The following PLCH2 variants were observed in gnomAD, a reference collection of about 807,000 sequenced individuals.
PLCH2 encodes the protein 1-phosphatidylinositol 4,5-bisphosphate phosphodiesterase eta-2.
In PLCH2, 98 loss-of-function variants were observed where a neutral mutation model predicts 134.7. That is an observed-to-expected ratio of 0.73 (90% CI 0.62 to 0.86). PLCH2 has a LOEUF of 0.86. PLCH2 is among the 40% of genes least tolerant of loss of function. The pLI is 0.00. For missense variants in PLCH2, 1,994 were observed against 1,986.6 expected (o/e 1.00, Z -0.07); for synonymous variants, 974 against 827.5 (o/e 1.18, Z -3.04).
rs755785600 is a variant in PLCH2, at chr1:2,448,962, C to T, written c.115+18333C>T. On this transcript the variant is annotated intron_variant, in intron 2 of 3. Transcript: ENST00000609981. The surrounding 1 kb of genome is among the most constrained non-coding windows in gnomAD (Gnocchi z 4.0). ...CTGTTGTACGTGGCTCCTTTGCTGG[C>T]GCGGGGAAAGGGCCGTGGGCTTGGG... Among the ~76,000 whole-genome samples the T allele has an allele frequency of 3.9e-5, 6 of 152,308 alleles. No homozygotes were observed. Among genetic ancestry groups the T allele is most frequent in the East Asian group, 1.9e-4 (1 of 5,168 alleles).
chr1:2,448,231 T>G lies in PLCH2; in HGVS notation c.115+17602T>G, dbSNP rs79017481. ...GCTGCTGGGACCGGCTGCCGTGCAC[T>G]GGCCACTAAAAACGCCGCACGCTTA... On this transcript the variant is annotated intron_variant, in intron 2 of 3. Transcript: ENST00000609981. The surrounding 1 kb of genome is among the most constrained non-coding windows in gnomAD (Gnocchi z 4.0). 7.6e-3 allele frequency among the ~76,000 whole-genome samples: 1,155 copies of G among 152,288 alleles called. 15 individuals carry two copies. The highest frequency in any genetic ancestry group is 0.041 in the East Asian group (215 of 5,182).
At chr1:2,469,065 A>G (rs1194168463) in intron 1 of PLCH2, among the ~76,000 whole-genome samples, 1 of 152,170 alleles carries the variant, frequency 6.6e-6, no homozygotes, top group African/African-American at 2.4e-5. Context: ...CTGTATATTC[A>G]GGTCACTCCA....
chr1:2,434,384 G>A (rs1639226616), intron 2 of PLCH2, among the ~76,000 whole-genome samples: 2 of 152,332 alleles, frequency 1.3e-5, no homozygotes, highest in Non-Finnish European at 2.9e-5. Context: ...TCTCTCCCGG[G>A]CACCCACAGG....
chr1:2,497,685 C>G (rs530877932), intron 16 of PLCH2, 76 bp downstream of exon 16: 5 of 1,022,806 alleles, frequency 4.9e-6, no homozygotes, highest in Non-Finnish European at 7.3e-6. Context: ...GAACAGAGAT[C>G]GGAGCCCCAC....
chr1:2,499,537 G>T (rs1394230919), intron 19 of PLCH2, 104 bp from the exon 20 acceptor site: 5 of 877,498 alleles, frequency 5.7e-6, no homozygotes, highest in Middle Eastern at 2.3e-4. Context: ...GGGCTTGTTG[G>T]GTGTATCTGG....
upstream of PLCH2, among the ~76,000 whole-genome samples, chr1:2,465,927 G>A (rs758633979): frequency 1.3e-5 from 2 of 152,182 alleles, no homozygotes; most frequent in African/African-American, 4.8e-5. Flanking sequence ...ACCCTTGGGC[G>A]TGTCTGTGGC....
Position 2,504,180 on chromosome 1 carries a change from G to T in PLCH2, c.3218G>T (p.Gly1073Val). 1 of 1,539,662 alleles carries T rather than the reference G, an allele frequency of 6.5e-7. No homozygotes were observed. Among genetic ancestry groups the T allele is most frequent in the South Asian group, 1.2e-5 (1 of 83,766 alleles). Residue 1073 changes from glycine to valine, a missense_variant, in exon 22 of 22, where the codon GGC becomes GTC. By Grantham distance (109) the Gly-to-Val change is moderately radical (BLOSUM62 -3). Coordinates refer to ENST00000378486, the MANE Select transcript of PLCH2 (RefSeq NM_014638.4). ...GGCGGGGCATACGAGAGGGCCCCCG[G>T]CAGCCAGACGGACGGCAGGAGCCAG... is the stretch of plus-strand genomic sequence containing the variant. ...GAGGAYERAPGSQTDGRSQPR... is the reference protein window; with the variant it reads ...GAGGAYERAPVSQTDGRSQPR...
intron 4 of PLCH2, among the ~76,000 whole-genome samples, chr1:2,481,749 C>G (rs1357406193): frequency 6.6e-6 from 1 of 152,220 alleles, no homozygotes; most frequent in Non-Finnish European, 1.5e-5. Context: ...CCCAGTGGCC[C>G]TGGTCTTTGG....
upstream of PLCH2, among the ~76,000 whole-genome samples, chr1:2,424,263 T>C (rs1371407262): frequency 6.6e-6 from 1 of 151,578 alleles, no homozygotes; most frequent in African/African-American, 2.4e-5. Context: ...CGAAACTCTA[T>C]TATTAATTAT....
At chr1:2,494,478 C>T (rs912883349) in intron 11 of PLCH2, 4 of 339,180 alleles carry the variant, frequency 1.2e-5, no homozygotes, top group African/African-American at 4.3e-5. Flanking sequence ...CAGGCCTGGC[C>T]GAGCAGTATT....
In PLCH2 at chr1:2,505,265, C is replaced by A; in HGVS notation, c.*52C>A. 1 of 1,409,342 alleles carries A rather than the reference C, an allele frequency of 7.1e-7. No homozygotes were observed. Among genetic ancestry groups the A allele is most frequent in the Non-Finnish European group, 9.6e-7 (1 of 1,043,140 alleles). The allele number at this position is 1,409,342 out of a possible 1,614,324, so 87.3% of individuals were successfully genotyped here. On this transcript the variant is annotated 3_prime_UTR_variant, in exon 22 of 22. Transcript: ENST00000378486. ...TCTGGAGGCCCAGGGCAGGGGTGGG[C>A]GTGTTGTTTGCTCAGGAAACAGGGC... is the stretch of plus-strand genomic sequence containing the variant.
chr1:2,472,805 C>T (rs1044258673), upstream of PLCH2, among the ~76,000 whole-genome samples: 2 of 152,290 alleles, frequency 1.3e-5, no homozygotes, highest in South Asian at 2.1e-4. Flanking sequence ...CCCTGCCCGT[C>T]CCGTACACGC....
intron 1 of PLCH2, among the ~76,000 whole-genome samples, chr1:2,470,362 C>T (rs1641267392): frequency 6.6e-6 from 1 of 152,210 alleles, no homozygotes; most frequent in African/African-American, 2.4e-5. Context: ...AGCCCAGCCC[C>T]AGGGCCAGCT....
In PLCH2 at chr1:2,498,241, C is replaced by T. The variant is rs1266287603; in HGVS notation, c.2225-282C>T. On this transcript the variant is annotated intron_variant, in intron 16 of 21. Coordinates refer to ENST00000378486, the MANE Select transcript of PLCH2 (RefSeq NM_014638.4). This position sits in a 1 kb window ranked among gnomAD's most constrained non-coding sequence, Gnocchi z 5.4. ...ACCAGAGACCCCACCCCTCATACCC[C>T]CAGGGACCCAGACCCACCCCCAGAA... 2.2e-5 allele frequency: 10 copies of T among 452,902 alleles called. No individual in the cohort carries two copies. In the East Asian group the frequency reaches 3.6e-4, roughly 16 times the overall value. The allele number at this position is 452,902 out of a possible 1,614,324, so 28.1% of individuals were successfully genotyped here.
At chr1:2,475,510 C>T (rs954907576), upstream of PLCH2, among the ~76,000 whole-genome samples, 13 of 152,336 alleles carry the variant, frequency 8.5e-5, no homozygotes, top group South Asian at 2.1e-4. Flanking sequence ...TCCTGTAGTG[C>T]GGGGCCAGTA....
chr1:2,418,257 C>T, the PLCH2 span, among the ~76,000 whole-genome samples: 2 of 152,262 alleles, frequency 1.3e-5, no homozygotes, highest in South Asian at 2.1e-4. Flanking sequence ...CACCGATGAG[C>T]AGCTGCCGAC....
chr1:2,494,082 AAGT>A (rs1057510705), intron 11 of PLCH2, among the ~76,000 whole-genome samples: 3 of 152,198 alleles, frequency 2.0e-5, no homozygotes, highest in Admixed American at 6.5e-5. Flanking sequence ...GTTTCAAAGA[AAGT>A]AGCCCCCACC....
upstream of PLCH2, among the ~76,000 whole-genome samples, chr1:2,474,576 C>G (rs1641514302): frequency 1.3e-5 from 2 of 152,172 alleles, no homozygotes; most frequent in African/African-American, 2.4e-5. Context: ...AAGCCCTAAC[C>G]CCAGCTGATG....
In PLCH2 at chr1:2,505,014, G is replaced by C; in HGVS notation, c.4052G>C (p.Ser1351Thr). 1 of 1,542,222 alleles carries C rather than the reference G, an allele frequency of 6.5e-7. No homozygotes were observed. The highest frequency in any genetic ancestry group is 1.4e-5 in the African/African-American group (1 of 73,208). Residue 1351 changes from serine (S) to threonine (T), a missense_variant, in exon 22 of 22, where the codon AGC (serine) becomes ACC (threonine). Physicochemically the swap from Ser to Thr is moderately conservative, Grantham distance 58. Coordinates refer to ENST00000378486, the MANE Select transcript of PLCH2 (RefSeq NM_014638.4). Reference sequence around the variant, plus strand: ...CACAGCCGCGTGCGTGCCATTGCCAGCCGGGCCCGCCAGGCCCAGGAGCGG... The same window carrying C: ...CACAGCCGCGTGCGTGCCATTGCCACCCGGGCCCGCCAGGCCCAGGAGCGG... ...RSHSRVRAIA[S>T]RARQAQERQQ...
Sources: allele counts gnomAD v4.1 joint callset (sites outside exome capture counted in the v4.1 genomes callset), GRCh38; gene constraint gnomAD v4.1.1; non-coding constraint Gnocchi (gnomAD v3.1); transcripts MANE v1.5; gene names NCBI Gene and HGNC (gene_info 2026-07-23, HGNC 2026-07-21).